SCN10A: variants seen among roughly 807,000 people sequenced by gnomAD.
The protein encoded by SCN10A is sodium voltage-gated channel alpha subunit 10, also known as sodium channel protein type 10 subunit alpha.
Under a neutral mutation model 170.7 loss-of-function variants are expected in SCN10A, and 162 were observed. The observed-to-expected ratio is 0.95, with a 90% CI of 0.84 to 1.08. The LOEUF (loss-of-function observed/expected upper bound fraction) is 1.08, where lower values mean the gene tolerates loss of function less well. SCN10A is among the 50% of genes least tolerant of loss of function. The probability of loss-of-function intolerance (pLI) is 0.00; values close to 1 mark genes in which losing one functional copy is unlikely to be tolerated. For synonymous variants in SCN10A, 985 were observed against 904.6 expected (o/e 1.09, Z -1.59); for missense variants, 2,527 against 2,436.9 (o/e 1.04, Z -0.78).
At chr3:38,794,115 C>T (rs1186911145) in intron 1 of SCN10A, 73 bp from the exon 2 acceptor site, 1 of 1,071,454 alleles carries the variant, frequency 9.3e-7, no homozygotes, top group Non-Finnish European at 1.4e-6. Context: ...TCTGTCCCAT[C>T]TTGATTGTCA....
chr3:38,784,008 TA>T (rs1220175736), intron 4 of SCN10A, among the ~76,000 whole-genome samples: 4 of 152,156 alleles, frequency 2.6e-5, no homozygotes, highest in Non-Finnish European at 5.9e-5. Flanking sequence ...TCCACTTTTG[TA>T]AAGTGCCTAT....
At chr3:38,709,401 G>A in intron 25 of SCN10A, 77 bp downstream of exon 25, 1 of 1,462,458 alleles carries the variant, frequency 6.8e-7, no homozygotes, top group Non-Finnish European at 9.2e-7. Flanking sequence ...TTGTCAGGAG[G>A]CCAGAGCTGG....
chr3:38,766,927 G>T (rs1370403481), intron 5 of SCN10A, among the ~76,000 whole-genome samples: 1 of 152,014 alleles, frequency 6.6e-6, no homozygotes, highest in Non-Finnish European at 1.5e-5. Context: ...GGTCTGTTTA[G>T]AGTTTCTATT....
intron 15 of SCN10A, among the ~76,000 whole-genome samples, chr3:38,739,040 G>A (rs1401712658): frequency 2.0e-5 from 3 of 152,096 alleles, no homozygotes; most frequent in South Asian, 2.1e-4. Flanking sequence ...TGGCTTATTC[G>A]CTTGCTTGGC....
intron 5 of SCN10A, among the ~76,000 whole-genome samples, chr3:38,766,997 A>G (rs1204009893): frequency 6.6e-6 from 1 of 150,834 alleles, no homozygotes; most frequent in Non-Finnish European, 1.5e-5. Flanking sequence ...TCTCCTCTAA[A>G]TTTTCTAGTT....
At chr3:38,762,539 A>G (rs2063886182) in intron 6 of SCN10A, among the ~76,000 whole-genome samples, 1 of 152,176 alleles carries the variant, frequency 6.6e-6, no homozygotes, top group South Asian at 2.1e-4. Flanking sequence ...GAGTATTTGC[A>G]GAACCGTAGG....
At chr3:38,736,962 C>CTTTTTTTTTTTTTT (rs2063567359) in intron 15 of SCN10A, among the ~76,000 whole-genome samples, 5 of 69,244 alleles carry the variant, frequency 7.2e-5, no homozygotes, top group African/African-American at 1.6e-4. Context: ...CAGAAATGTT[C>CTTTTTTTTTTTTTT]GTTTTTTTTT....
chr3:38,761,111 C>T, intron 7 of SCN10A, 81 bp downstream of exon 7: 1 of 1,151,070 alleles, frequency 8.7e-7, no homozygotes, highest in Non-Finnish European at 1.3e-6. Context: ...TACACACACA[C>T]AGGGGCTCCA....
intron 4 of SCN10A, among the ~76,000 whole-genome samples, chr3:38,772,190 G>C (rs189247011): frequency 1.4e-4 from 21 of 151,906 alleles, no homozygotes; most frequent in Non-Finnish European, 2.6e-4. Context: ...TCTGCTCCTC[G>C]TTAAGTTTCC....
chr3:38,699,198 G>GT (rs66689339), intron 27 of SCN10A, among the ~76,000 whole-genome samples: 3,642 of 127,042 alleles, frequency 0.029, 148 homozygotes, highest in African/African-American at 0.097. Context: ...GCCTTAATTT[G>GT]TTTTTTTTTT....
chr3:38,751,971 G>A (rs901106265), intron 12 of SCN10A, among the ~76,000 whole-genome samples: 1 of 152,002 alleles, frequency 6.6e-6, no homozygotes, highest in African/African-American at 2.4e-5. Flanking sequence ...AGAAATATGG[G>A]GTCAAATGGA....
chr3:38,795,997 A>C (rs2064339746), intron 1 of SCN10A, among the ~76,000 whole-genome samples: 1 of 152,110 alleles, frequency 6.6e-6, no homozygotes, highest in Non-Finnish European at 1.5e-5. Context: ...ACATCTCATC[A>C]TTCCCATATC....
Position 38,752,283 on chromosome 3 carries a change from T to C in SCN10A, c.1691A>G (p.His564Arg). Residue 564 changes from histidine to arginine, a missense_variant, in exon 12 of 28, where the codon CAT becomes CGT. Transcript: ENST00000449082. ...LPQPSNPDSRHGEDEHQPPPT... is the reference protein window; with the variant it reads ...LPQPSNPDSRRGEDEHQPPPT... ...CGGCGGTTGGTGTTCATCTTCTCCA[T>C]GCCTGGAGTCAGGGTTGCTGGGTTG... The C allele has an allele frequency of 6.2e-7, 1 of 1,601,828 alleles. No homozygotes were observed. Among genetic ancestry groups the C allele is most frequent in the Non-Finnish European group, 8.5e-7 (1 of 1,173,916 alleles).
At chr3:38,703,842 T>A (rs2063182449) in intron 26 of SCN10A, among the ~76,000 whole-genome samples, 3 of 152,230 alleles carry the variant, frequency 2.0e-5, no homozygotes, top group African/African-American at 7.2e-5. Context: ...GTCACTGGAC[T>A]GTAAACTGTA....
intron 11 of SCN10A, 144 bp downstream of exon 11, chr3:38,755,644 C>T (rs1576006789): frequency 1.2e-6 from 1 of 858,258 alleles, no homozygotes; most frequent in Non-Finnish European, 1.8e-6. Context: ...TAGTTTAAGA[C>T]ACCATTTTGG....
intron 21 of SCN10A, among the ~76,000 whole-genome samples, chr3:38,716,450 A>G (rs536499919): frequency 6.6e-6 from 1 of 152,264 alleles, no homozygotes; most frequent in Non-Finnish European, 1.5e-5. Flanking sequence ...GCCTGCTGCC[A>G]TCCACATAAG....
chr3:38,722,877 T>G (rs763681979), intron 19 of SCN10A, among the ~76,000 whole-genome samples: 1 of 152,218 alleles, frequency 6.6e-6, no homozygotes, highest in Non-Finnish European at 1.5e-5. Flanking sequence ...AAAAAATTTT[T>G]CTTTGTATTT....
rs758877832 is a variant in SCN10A at position 38,698,197 on chromosome 3, G to A, written c.5023C>T (p.Pro1675Ser). 2.6e-5 allele frequency: 42 copies of A among 1,614,020 alleles called. No individual in the cohort carries two copies. Among genetic ancestry groups the A allele is most frequent in the Admixed American group, 1.7e-5 (1 of 60,000 alleles). ...GLLSPILNTG[P>S]PYCDPNLPNS... ...GGCAGATTGGGGTCACAGTAGGGGG[G>A]CCCTGTGTTGAGGATGGGGCTGAGG... The change falls in exon 28 of 28, where the codon CCC (proline) becomes TCC (serine). Residue 1675 changes from proline to serine, a missense_variant. Pro to Ser is a moderately conservative substitution (Grantham distance 74). Transcript: ENST00000449082.
chr3:38,801,741 A>T (rs1397247599), intron 1 of SCN10A, among the ~76,000 whole-genome samples: 11 of 152,298 alleles, frequency 7.2e-5, no homozygotes, highest in Non-Finnish European at 7.4e-5. Flanking sequence ...ATGTGGATAA[A>T]CAGGTAATTA....
Sources: allele counts gnomAD v4.1 joint callset (sites outside exome capture counted in the v4.1 genomes callset), GRCh38; gene constraint gnomAD v4.1.1; transcripts MANE v1.5; gene names NCBI Gene and HGNC (gene_info 2026-07-23, HGNC 2026-07-21).